The following BRAT1 variants were observed in gnomAD, a reference collection of about 807,000 sequenced individuals.
The protein encoded by BRAT1 is BRCA1 associated ATM activator 1.
Under a neutral mutation model 70.6 loss-of-function variants are expected in BRAT1, and 74 were observed. The ratio of observed to expected loss-of-function variants is 1.05; its 90% CI spans 0.87 to 1.27. The LOEUF (loss-of-function observed/expected upper bound fraction) is 1.27, where lower values mean the gene tolerates loss of function less well. BRAT1 is among the 50% of genes most tolerant of loss of function. The probability of loss-of-function intolerance (pLI) is 0.00; values close to 1 mark genes in which losing one functional copy is unlikely to be tolerated. For missense variants in BRAT1, 1,203 were observed against 1,098.2 expected (o/e 1.10, Z -1.35); for synonymous variants, 615 against 517.1 (o/e 1.19, Z -2.57).
chr7:2,544,782 C>A lies in BRAT1; in HGVS notation c.430+127G>T, dbSNP rs192044286. On this transcript the variant is annotated intron_variant, in intron 4 of 13. Coordinates refer to ENST00000340611, the MANE Select transcript of BRAT1 (RefSeq NM_152743.4). ...AGAACACTGGACAGCCGTACTGTCA[C>A]AGTGCAGTCTTTGCAACAACCCTGA... 7.1e-5 allele frequency: 98 copies of A among 1,389,726 alleles called. No individual in the cohort carries two copies. In the East Asian group the frequency reaches 2.4e-3, roughly 33 times the overall value. The allele number at this position is 1,389,726 out of a possible 1,614,324, so 86.1% of individuals were successfully genotyped here.
Position 2,543,781 on chromosome 7 carries a change from C to T in BRAT1, c.612G>A (p.Glu204=), listed in dbSNP as rs751114065. The part of the protein sequence containing the change: ...CAQKIMDHVE[E]SLCSAATPKV... ...TGGGGGTGGCCGCGGAGCACAAGGA[C>T]TCTTCAACGTGATCCATGATCTTCT... Residue 204 remains glutamate, a synonymous_variant, in exon 5 of 14, where the codon GAG becomes GAA. Transcript: ENST00000340611. The surrounding 1 kb of genome is among the most constrained non-coding windows in gnomAD (Gnocchi z 5.5). 2 of 1,612,312 alleles carry T rather than the reference C, an allele frequency of 1.2e-6. No homozygotes were observed. The highest frequency in any genetic ancestry group is 1.7e-6 in the Non-Finnish European group (2 of 1,179,432).
At position 2,543,537 on chromosome 7, in the gene BRAT1, C is replaced by A; in HGVS notation, c.803+53G>T. ...CAGTGGGACATCCCTGGGCGTTATCCGAGGAAAACAGTTGCCCACCCAGGC... is the reference window on the plus strand; with the variant it reads ...CAGTGGGACATCCCTGGGCGTTATCAGAGGAAAACAGTTGCCCACCCAGGC... On this transcript the variant is annotated intron_variant, in intron 5 of 13. Coordinates refer to ENST00000340611, the MANE Select transcript of BRAT1 (RefSeq NM_152743.4). The surrounding 1 kb of genome is among the most constrained non-coding windows in gnomAD (Gnocchi z 5.5). The A allele has an allele frequency of 6.7e-7, 1 of 1,496,096 alleles. No individual in the cohort carries two copies. The highest frequency in any genetic ancestry group is 8.9e-7 in the Non-Finnish European group (1 of 1,123,884). The allele number at this position is 1,496,096 out of a possible 1,614,324, so 92.7% of individuals were successfully genotyped here.
chr7:2,539,971 T>C (rs1020119858), intron 10 of BRAT1, 83 bp from the exon 11 acceptor site: 10 of 1,005,270 alleles, frequency 9.9e-6, no homozygotes, highest in Non-Finnish European at 1.4e-5. Context: ...TCACCTGTGC[T>C]GCCCGTACTC....
intron 2 of BRAT1, among the ~76,000 whole-genome samples, chr7:2,547,862 C>G (rs865880738): frequency 6.6e-6 from 1 of 152,032 alleles, no homozygotes; most frequent in South Asian, 2.1e-4. Flanking sequence ...GGCGGGTGGT[C>G]ACTTGAGCTC....
At chr7:2,539,028 GC>G in intron 13 of BRAT1, 150 bp downstream of exon 13, 1 of 1,437,410 alleles carries the variant, frequency 7.0e-7, no homozygotes, top group Non-Finnish European at 9.1e-7. Flanking sequence ...ACCCAGCACA[GC>G]CCCAGGGCCT....
At chr7:2,540,606 G>T in intron 10 of BRAT1, 1 of 210,018 alleles carries the variant, frequency 4.8e-6, no homozygotes, top group Non-Finnish European at 9.4e-6. Context: ...GTACCTGCCA[G>T]GGCCCAGCTC....
chr7:2,552,089 TATATATATATATA>T (rs1780054065), intron 2 of BRAT1, among the ~76,000 whole-genome samples: 1 of 17,592 alleles, frequency 5.7e-5, no homozygotes, highest in African/African-American at 2.4e-4. Context: ...TAAATATATA[TATATATATATATA>T]TATATTTTTT....
chr7:2,553,592 T>C (rs1350296733), intron 2 of BRAT1, among the ~76,000 whole-genome samples: 2 of 152,054 alleles, frequency 1.3e-5, no homozygotes, highest in Non-Finnish European at 2.9e-5. Context: ...AAAACGTTGA[T>C]GGTTTAATTT....
intron 2 of BRAT1, among the ~76,000 whole-genome samples, chr7:2,547,997 T>A (rs1779738999): frequency 6.7e-6 from 1 of 149,768 alleles, no homozygotes; most frequent in African/African-American, 2.5e-5. Context: ...GGCAGGAGAA[T>A]CGCTTGAACC....
At chr7:2,539,035 G>C in intron 13 of BRAT1, 144 bp downstream of exon 13, 1 of 1,442,642 alleles carries the variant, frequency 6.9e-7, no homozygotes, top group East Asian at 2.5e-5. Context: ...ACAGCCCCAG[G>C]GCCTCGGCAG....
At chr7:2,545,497 T>TTC (rs1491321790) in intron 3 of BRAT1, among the ~76,000 whole-genome samples, 18 of 46,148 alleles carry the variant, frequency 3.9e-4, no homozygotes, top group African/African-American at 2.7e-3. Flanking sequence ...TTTCTTCTTC[T>TTC]TTTTTTTTTT....
At chr7:2,544,088 A>G in intron 4 of BRAT1, 126 bp from the exon 5 acceptor site, 1 of 759,302 alleles carries the variant, frequency 1.3e-6, no homozygotes, top group Non-Finnish European at 1.9e-6. Flanking sequence ...ATGCCTCTCC[A>G]CTCAAAAGCA....
chr7:2,544,277 A>C (rs959695925), intron 4 of BRAT1: 1 of 219,624 alleles, frequency 4.6e-6, no homozygotes, highest in Non-Finnish European at 8.3e-6. Flanking sequence ...ATCTCAGTTC[A>C]CTGCAACTTC....
At position 2,538,054 on chromosome 7, in the gene BRAT1, A is replaced by C; in HGVS notation, c.*15T>G. The C allele has an allele frequency of 1.3e-6, 2 of 1,527,464 alleles. No individual in the cohort carries two copies. Among genetic ancestry groups the C allele is most frequent in the Non-Finnish European group, 1.8e-6 (2 of 1,134,326 alleles). 94.6% of individuals were successfully genotyped at this position (1,527,464 alleles called of 1,614,324 possible). A position where few individuals can be genotyped will look rare whatever the true frequency, so the allele number is the denominator to read the frequency against. On this transcript the variant is annotated 3_prime_UTR_variant, in exon 14 of 14. Transcript: ENST00000340611. The stretch of plus-strand genomic sequence containing the variant: ...TCCCTTGGTCCTGAGCCCCAGTGGC[A>C]GACTCTGGTTCTGCTCAGTAGCAGT...
In BRAT1 at chr7:2,542,219, C is replaced by CA. The variant is rs760003318; in HGVS notation, c.924-9dup. 5.8e-6 allele frequency: 9 copies of CA among 1,555,278 alleles called. No individual in the cohort carries two copies. In the South Asian group the frequency reaches 1.1e-4, roughly 18 times the overall value. On this transcript the variant is annotated splice_polypyrimidine_tract_variant and intron_variant, in intron 6 of 13. Coordinates refer to ENST00000340611, the MANE Select transcript of BRAT1 (RefSeq NM_152743.4). ...GTCCTCAGTGCCTGTGGACTGGAGA[C>CA]AAACGCGAGGTGAGTGCCGCGACCC...
rs1313460951 is a variant in BRAT1, at chr7:2,546,895, C to A, written c.282+429G>T. On this transcript the variant is annotated intron_variant, in intron 3 of 13. Transcript: ENST00000340611. ...GTCTCATTTGGTCCTCACGACAACC[C>A]CACGGCGCAGCTACGACTCCTGTCT... Among the ~76,000 whole-genome samples, 5 of 152,274 alleles carry A rather than the reference C, an allele frequency of 3.3e-5. No individual in the cohort carries two copies. In the East Asian group the frequency reaches 9.6e-4, roughly 29 times the overall value.
rs1450914910 is a variant in BRAT1 at position 2,555,478 on chromosome 7, G to A, written c.-17+9C>T. On this transcript the variant is annotated intron_variant, in intron 1 of 13. Coordinates refer to ENST00000340611, the MANE Select transcript of BRAT1 (RefSeq NM_152743.4). ...ACGACCTCGACCCCCGAAGGCCCACGCGCCTCACCGCTCGGTTGCGTCCTC... is the reference window on the plus strand; with the variant it reads ...ACGACCTCGACCCCCGAAGGCCCACACGCCTCACCGCTCGGTTGCGTCCTC... The A allele has an allele frequency of 6.6e-6, 1 of 152,076 alleles. No homozygotes were observed. The highest frequency in any genetic ancestry group is 2.4e-5 in the African/African-American group (1 of 41,380). The allele number at this position is 152,076 out of a possible 1,614,324, so 9.4% of individuals were successfully genotyped here.
chr7:2,545,363 CAAAAAAAAAAAAAAAAA>C (rs1185029266), intron 3 of BRAT1, among the ~76,000 whole-genome samples: 1 of 25,120 alleles, frequency 4.0e-5, no homozygotes, highest in South Asian at 2.6e-3. Flanking sequence ...GACTCCATCT[CAAAAAAAAAAAAAAAAA>C]AAAAAAAAAA....
rs1778999479 is a variant in BRAT1, at chr7:2,539,774, GGGC to G, written c.1498+9_1498+11del. ...CTCCAGCTCCGTTCACCCCTGCAAG[GGGC>G]TGCGTTACCTCTGAGGAACTGCGGG... is the stretch of plus-strand genomic sequence containing the variant. On this transcript the variant is annotated intron_variant, in intron 11 of 13. Coordinates refer to ENST00000340611, the MANE Select transcript of BRAT1 (RefSeq NM_152743.4). The G allele has an allele frequency of 1.9e-6, 3 of 1,606,662 alleles. No homozygotes were observed. The highest frequency in any genetic ancestry group is 2.5e-6 in the Non-Finnish European group (3 of 1,176,700).
Sources: gnomAD v4.1 joint callset for allele counts (sites outside exome capture counted in the v4.1 genomes callset) on GRCh38, gnomAD v4.1.1 for gene constraint, Gnocchi (gnomAD v3.1) non-coding constraint, MANE v1.5 for transcripts, NCBI Gene and HGNC (gene_info 2026-07-23, HGNC 2026-07-21) for gene names.